ACAD11: variants seen among roughly 807,000 people sequenced by gnomAD.
ACAD11 encodes the protein acyl-Coenzyme A dehydrogenase family, member 11.
In ACAD11, 83 loss-of-function variants were observed where a neutral mutation model predicts 102.2. The ratio of observed to expected loss-of-function variants is 0.81; its 90% CI spans 0.68 to 0.97. ACAD11 has a LOEUF of 0.97. Among genes scored for constraint, ACAD11 ranks in the 50% least tolerant of loss-of-function variants. The pLI, the probability that ACAD11 is intolerant of heterozygous loss-of-function variation, is 0.00. For synonymous variants in ACAD11, 324 were observed against 319.8 expected (o/e 1.01, Z -0.14); for missense variants, 901 against 951.7 (o/e 0.95, Z 0.70).
chr3:132,579,926 C>A (rs1043473638), intron 13 of ACAD11, among the ~76,000 whole-genome samples: 10 of 152,080 alleles, frequency 6.6e-5, no homozygotes, highest in African/African-American at 2.2e-4. Flanking sequence ...GCTGTGATCC[C>A]ACTTTCAATA....
chr3:132,578,845 G>A lies in ACAD11; in HGVS notation c.1725C>T (p.Asn575=). 1 of 1,613,118 alleles carries A rather than the reference G, an allele frequency of 6.2e-7. No individual in the cohort carries two copies. The highest frequency in any genetic ancestry group is 8.5e-7 in the Non-Finnish European group (1 of 1,179,476). ...GCCTTATTATTTTTACTCCAGGTGT[G>A]TTCATGGGAACAAGAATCATGCTGT... ...KQHSMILVPM[N]TPGVKIIRPL... The change falls in exon 15 of 20, where the codon AAC becomes AAT. Residue 575 remains asparagine (N), a synonymous_variant. Transcript: ENST00000264990.
At chr3:132,649,205 C>T (rs1940837706) in intron 1 of ACAD11, among the ~76,000 whole-genome samples, 1 of 152,200 alleles carries the variant, frequency 6.6e-6, no homozygotes, top group Non-Finnish European at 1.5e-5. Flanking sequence ...TCCCCCAGCC[C>T]GACACCCGTA....
intron 11 of ACAD11, among the ~76,000 whole-genome samples, chr3:132,606,999 G>C (rs1018943949): frequency 6.6e-6 from 1 of 152,170 alleles, no homozygotes; most frequent in Non-Finnish European, 1.5e-5. Context: ...AGGGTTGGGA[G>C]TGGACCTCCA....
chr3:132,561,065 A>G (rs988806033), intron 18 of ACAD11, 36 bp downstream of exon 18: 2 of 1,511,076 alleles, frequency 1.3e-6, no homozygotes, highest in African/African-American at 1.4e-5. Context: ...GAGAAGGCTC[A>G]GCAGTTGGTG....
At chr3:132,589,054 TGAGA>T (rs1311397606) in intron 13 of ACAD11, among the ~76,000 whole-genome samples, 1 of 152,182 alleles carries the variant, frequency 6.6e-6, no homozygotes, top group Non-Finnish European at 1.5e-5. Context: ...CAAAGAGGCC[TGAGA>T]GAGCTTGGTC....
chr3:132,562,065 T>A (rs1384416258), intron 17 of ACAD11, among the ~76,000 whole-genome samples: 1 of 152,242 alleles, frequency 6.6e-6, no homozygotes, highest in Non-Finnish European at 1.5e-5. Context: ...GTTTATCCAT[T>A]TGCCTGTTGA....
rs778804111 is a variant in ACAD11, at chr3:132,617,285, C to T, written c.1414+1349G>A. Among the ~76,000 whole-genome samples, 89 of 152,266 alleles carry T rather than the reference C, an allele frequency of 5.8e-4. No homozygotes were observed. In the Middle Eastern group the frequency reaches 0.01, roughly 17 times the overall value. ...ATCTCTAGGGATGGAGGCTGGGAAT[C>T]TAGATTTTTCAAAGGTTCCTTAGGT... On this transcript the variant is annotated intron_variant, in intron 11 of 19. Coordinates refer to ENST00000264990, the MANE Select transcript of ACAD11 (RefSeq NM_032169.5).
intron 13 of ACAD11, 49 bp from the exon 14 acceptor site, chr3:132,579,607 T>C: frequency 6.7e-7 from 1 of 1,497,220 alleles, no homozygotes. Context: ...ATTTCTAGTT[T>C]GACATTTCAC....
intron 17 of ACAD11, among the ~76,000 whole-genome samples, chr3:132,569,986 T>A (rs553948047): frequency 6.6e-6 from 1 of 152,346 alleles, no homozygotes; most frequent in East Asian, 1.9e-4. Context: ...GAGATCTATA[T>A]GTTATTTCTT....
chr3:132,627,061 C>T (rs1174201247), intron 8 of ACAD11: 3 of 319,732 alleles, frequency 9.4e-6, no homozygotes, highest in African/African-American at 6.5e-5. Flanking sequence ...CCTGGCATCA[C>T]CTCAAGCAAT....
chr3:132,632,169 C>T (rs911117472), intron 5 of ACAD11, among the ~76,000 whole-genome samples: 15 of 151,800 alleles, frequency 9.9e-5, no homozygotes, highest in African/African-American at 2.7e-4. Context: ...CTGCAAGCTC[C>T]GCCTCCCGGG....
At chr3:132,596,236 C>T (rs986326534) in intron 13 of ACAD11, among the ~76,000 whole-genome samples, 10 of 152,056 alleles carry the variant, frequency 6.6e-5, no homozygotes, top group Admixed American at 4.6e-4. Flanking sequence ...GATGAGAACA[C>T]ATGGACACAT....
At chr3:132,568,467 A>G (rs1937275142) in intron 17 of ACAD11, among the ~76,000 whole-genome samples, 1 of 152,186 alleles carries the variant, frequency 6.6e-6, no homozygotes, top group Non-Finnish European at 1.5e-5. Context: ...AAAGATATCA[A>G]TTTTTCTTAA....
In ACAD11 at chr3:132,559,001, G is replaced by C; in HGVS notation, c.2313C>G (p.Asp771Glu). ...TCTTGGCTGTCAGTCTTTTGGCTTG[G>C]TCCCGCAGCTCCATTGTTGCGATTG... The part of the protein sequence containing the change: ...LSAIATMELR[D>E]QAKRLTAKI The change falls in exon 20 of 20, where the codon GAC becomes GAG. Residue 771 changes from aspartate (D) to glutamate (E), a missense_variant. By Grantham distance (45) the Asp-to-Glu change is conservative. Transcript: ENST00000264990. 1 of 1,613,596 alleles carries C rather than the reference G, an allele frequency of 6.2e-7. No homozygotes were observed. Among genetic ancestry groups the C allele is most frequent in the Non-Finnish European group, 8.5e-7 (1 of 1,179,718 alleles).
intron 1 of ACAD11, among the ~76,000 whole-genome samples, chr3:132,657,866 C>CTTTTTT (rs56190801): frequency 3.2e-4 from 38 of 119,156 alleles, no homozygotes; most frequent in African/African-American, 7.1e-4. Flanking sequence ...ACACATATTC[C>CTTTTTT]TTTTTTTTTT....
intron 18 of ACAD11, among the ~76,000 whole-genome samples, chr3:132,560,900 T>C (rs1937034646): frequency 1.3e-5 from 2 of 151,990 alleles, no homozygotes; most frequent in Admixed American, 6.6e-5. Flanking sequence ...GAAGATATTC[T>C]CCCTCCTGAA....
chr3:132,599,832 A>G (rs1341671327), intron 13 of ACAD11, among the ~76,000 whole-genome samples: 1 of 152,140 alleles, frequency 6.6e-6, no homozygotes, highest in Non-Finnish European at 1.5e-5. Context: ...TATAAAAGGC[A>G]ACTAGTGAAA....
chr3:132,577,985 T>G (rs565694901), intron 15 of ACAD11, among the ~76,000 whole-genome samples: 1 of 152,322 alleles, frequency 6.6e-6, no homozygotes, highest in South Asian at 2.1e-4. Flanking sequence ...AGCTGCATCT[T>G]AACTGATAAG....
At chr3:132,632,240 C>T (rs12492476) in intron 5 of ACAD11, among the ~76,000 whole-genome samples, 38,966 of 151,936 alleles carry the variant, frequency 0.26, 7,903 homozygotes, top group East Asian at 0.59. Flanking sequence ...CTCGCCACCA[C>T]GCCCGGCTAA....
Sources: allele counts gnomAD v4.1 joint callset (sites outside exome capture counted in the v4.1 genomes callset), GRCh38; gene constraint gnomAD v4.1.1; transcripts MANE v1.5; gene names NCBI Gene and HGNC (gene_info 2026-07-23, HGNC 2026-07-21).